CELF2: variants seen among roughly 807,000 people sequenced by gnomAD.
CELF2 encodes the protein CUG triplet repeat RNA-binding protein 2.
A neutral mutation model predicts 62.6 loss-of-function variants in CELF2; 8 were observed. The ratio of observed to expected loss-of-function variants is 0.13; its 90% CI spans 0.07 to 0.23. CELF2 has a LOEUF of 0.23. Ranked by LOEUF, CELF2 falls within the 10% of genes least tolerant of loss-of-function variation. The pLI, the probability that CELF2 is intolerant of heterozygous loss-of-function variation, is 1.00. For synonymous variants in CELF2, 258 were observed against 250.0 expected (o/e 1.03, Z -0.30); for missense variants, 333 against 671.0 (o/e 0.50, Z 5.56).
rs78968643 is a variant in CELF2 at position 11,306,486 on chromosome 10, G to C, written c.977-7653G>C. On this transcript the variant is annotated intron_variant, in intron 9 of 12. Coordinates refer to ENST00000633077, the MANE Select transcript of CELF2 (RefSeq NM_001326342.2). The surrounding 1 kb of genome is among the most constrained non-coding windows in gnomAD (Gnocchi z 4.4). The stretch of plus-strand genomic sequence containing the variant: ...TTTCTCAATTGTGCATCTGCTGAAC[G>C]GTCAGTCTTTAGGTACTTGATCAAG... Among the ~76,000 whole-genome samples, 3 of 151,994 alleles carry C rather than the reference G, an allele frequency of 2.0e-5. No individual in the cohort carries two copies. The highest frequency in any genetic ancestry group is 6.6e-5 in the Admixed American group (1 of 15,262).
At chr10:11,155,478 T>A (rs887725556) in intron 1 of CELF2, among the ~76,000 whole-genome samples, 11 of 152,224 alleles carry the variant, frequency 7.2e-5, no homozygotes, top group Admixed American at 1.3e-4. Context: ...ACATGAGAGA[T>A]CTTGGAGGAG....
At chr10:10,718,234 A>T in the CELF2 span, among the ~76,000 whole-genome samples, 4 of 152,170 alleles carry the variant, frequency 2.6e-5, no homozygotes, top group Non-Finnish European at 5.9e-5. Flanking sequence ...TCTTAATAGG[A>T]AAGCAAAGAC....
chr10:10,722,655 C>T, the CELF2 span, among the ~76,000 whole-genome samples: 1 of 152,180 alleles, frequency 6.6e-6, no homozygotes, highest in African/African-American at 2.4e-5. Flanking sequence ...GCTTAAAAAG[C>T]AGCAACATGT....
the CELF2 span, among the ~76,000 whole-genome samples, chr10:10,665,640 A>C: frequency 1.3e-5 from 2 of 152,180 alleles, no homozygotes; most frequent in Admixed American, 1.3e-4. Context: ...ATAATAAAGA[A>C]AATATTCTGT....
In CELF2 at chr10:11,207,432, G is replaced by A. The variant is rs995059839; in HGVS notation, c.272-9993G>A. Among the ~76,000 whole-genome samples, 1 of 152,224 alleles carries A rather than the reference G, an allele frequency of 6.6e-6. No homozygotes were observed. Among genetic ancestry groups the A allele is most frequent in the Non-Finnish European group, 1.5e-5 (1 of 68,036 alleles). On this transcript the variant is annotated intron_variant, in intron 2 of 12. Coordinates refer to ENST00000633077, the MANE Select transcript of CELF2 (RefSeq NM_001326342.2). The surrounding 1 kb of genome is among the most constrained non-coding windows in gnomAD (Gnocchi z 4.1). ...TTGGTCCTAGCGTGTCAAATGGAGAGTTGGAGGGAAGGTATGGGGTTGCCA... is the reference window on the plus strand; with the variant it reads ...TTGGTCCTAGCGTGTCAAATGGAGAATTGGAGGGAAGGTATGGGGTTGCCA...
intron 1 of CELF2, among the ~76,000 whole-genome samples, chr10:11,099,488 G>A (rs546343965): frequency 1.3e-4 from 20 of 152,100 alleles, no homozygotes; most frequent in East Asian, 7.7e-4. Context: ...GGCTCTTTAC[G>A]AGGTCTTTGC....
At chr10:11,013,355 G>T (rs1364598283), upstream of CELF2, among the ~76,000 whole-genome samples, 1 of 152,214 alleles carries the variant, frequency 6.6e-6, no homozygotes, top group African/African-American at 2.4e-5. This position sits in a 1 kb window ranked among gnomAD's most constrained non-coding sequence, Gnocchi z 4.1. Context: ...AGAGAGGGAA[G>T]TGATGAGATG....
At chr10:10,719,807 G>A in the CELF2 span, among the ~76,000 whole-genome samples, 1 of 152,130 alleles carries the variant, frequency 6.6e-6, no homozygotes, top group Admixed American at 6.5e-5. Context: ...AAAACCATTA[G>A]CATAGCCTCC....
chr10:11,142,979 T>G (rs2061623576), intron 1 of CELF2, among the ~76,000 whole-genome samples: 1 of 151,100 alleles, frequency 6.6e-6, no homozygotes, highest in African/African-American at 2.4e-5. Context: ...CTCACTCCCC[T>G]CGTGATTCTT....
chr10:11,197,022 A>G (rs756305708), intron 2 of CELF2, among the ~76,000 whole-genome samples: 2,338 of 11,252 alleles, frequency 0.21, 591 homozygotes, highest in African/African-American at 0.35. Flanking sequence ...GAAAGAAAGA[A>G]AGAAAAGAAA....
intron 1 of CELF2, among the ~76,000 whole-genome samples, chr10:11,049,133 A>AAG (rs2139938092): frequency 6.6e-6 from 1 of 151,688 alleles, no homozygotes; most frequent in African/African-American, 2.4e-5. Flanking sequence ...AAAAAAAAAA[A>AAG]AAGTCTTTTT....
At chr10:10,479,135 C>G in the CELF2 span, among the ~76,000 whole-genome samples, 2 of 152,112 alleles carry the variant, frequency 1.3e-5, no homozygotes, top group Non-Finnish European at 2.9e-5. Context: ...TCTCCATCTT[C>G]TCATCTTTAT....
intron 5 of CELF2, among the ~76,000 whole-genome samples, chr10:11,258,964 G>A (rs11592237): frequency 3.9e-5 from 6 of 152,216 alleles, no homozygotes; most frequent in South Asian, 2.1e-4. Context: ...GATTACAGGC[G>A]TGAGCCACCG....
intron 2 of CELF2, among the ~76,000 whole-genome samples, chr10:11,202,197 C>T (rs771204963): frequency 5.3e-5 from 8 of 152,144 alleles, no homozygotes; most frequent in Non-Finnish European, 1.0e-4. Flanking sequence ...AGCTGTTTAA[C>T]ACATAGGTCA....
chr10:10,837,594 G>A (rs1359650666), intron 1 of CELF2, among the ~76,000 whole-genome samples: 5 of 152,066 alleles, frequency 3.3e-5, no homozygotes, highest in South Asian at 4.2e-4. Context: ...TATAATGGAC[G>A]TTATACTTGG....
At chr10:11,320,099 A>C (rs1356330869) in intron 10 of CELF2, among the ~76,000 whole-genome samples, 1 of 152,168 alleles carries the variant, frequency 6.6e-6, no homozygotes, top group Admixed American at 6.5e-5. Flanking sequence ...TCTTTTCTTA[A>C]AGAACTGTGA....
intron 5 of CELF2, among the ~76,000 whole-genome samples, chr10:11,262,458 A>C (rs1227346116): frequency 6.6e-6 from 1 of 152,180 alleles, no homozygotes. Flanking sequence ...AAACATTCAG[A>C]TGTGTGGGAA....
Position 11,197,036 on chromosome 10 carries a change from A to AAAGAAG in CELF2, c.272-20389_272-20388insAAGAAG, listed in dbSNP as rs2057942232. ...AGAAAGAAAGAAAGAAAAGAAAGAA[A>AAAGAAG]GAAAGAAAGAAAGAAAGAAAGAAAA... On this transcript the variant is annotated intron_variant, in intron 2 of 12. Transcript: ENST00000633077. Among the ~76,000 whole-genome samples the AAAGAAG allele has an allele frequency of 1.2e-4, 3 of 24,484 alleles. 1 individual carries two copies. Among genetic ancestry groups the AAAGAAG allele is most frequent in the Non-Finnish European group, 2.9e-4 (3 of 10,342 alleles). The allele number at this position is 24,484 out of a possible 152,430, so 16.1% of individuals were successfully genotyped here.
intron 1 of CELF2, among the ~76,000 whole-genome samples, chr10:10,846,630 A>G (rs2059030300): frequency 6.6e-6 from 1 of 152,184 alleles, no homozygotes; most frequent in South Asian, 2.1e-4. Flanking sequence ...TCAGCATACC[A>G]CGCAAAGCCA....
Sources: gnomAD v4.1 joint callset for allele counts (sites outside exome capture counted in the v4.1 genomes callset) on GRCh38, gnomAD v4.1.1 for gene constraint, Gnocchi (gnomAD v3.1) non-coding constraint, MANE v1.5 for transcripts, NCBI Gene and HGNC (gene_info 2026-07-23, HGNC 2026-07-21) for gene names.